Variants in CDH8 observed in about 807,000 individuals in gnomAD.
CDH8 encodes the protein cadherin 8.
In CDH8, 17 loss-of-function variants were observed where a neutral mutation model predicts 68.1. That is an observed-to-expected ratio of 0.25 (90% CI 0.17 to 0.37). The LOEUF (loss-of-function observed/expected upper bound fraction) is 0.37, where lower values mean the gene tolerates loss of function less well. Ranked by LOEUF, CDH8 falls within the 10% of genes least tolerant of loss-of-function variation. The pLI is 1.00. For synonymous variants in CDH8, 372 were observed against 365.1 expected (o/e 1.02, Z -0.21); for missense variants, 763 against 999.3 (o/e 0.76, Z 3.19).
At chr16:61,995,078 G>C (rs980826090) in intron 2 of CDH8, among the ~76,000 whole-genome samples, 2 of 152,190 alleles carry the variant, frequency 1.3e-5, no homozygotes, top group African/African-American at 4.8e-5. Context: ...TAGCTGTCTT[G>C]TTCCTAGCCA....
At chr16:61,944,363 G>A (rs890381008) in intron 2 of CDH8, among the ~76,000 whole-genome samples, 6 of 152,114 alleles carry the variant, frequency 3.9e-5, no homozygotes, top group Non-Finnish European at 7.4e-5. Flanking sequence ...ATTCAGATAC[G>A]TTTAACAGAA....
chr16:61,740,377 A>AT (rs1157010059), intron 8 of CDH8, among the ~76,000 whole-genome samples: 9 of 151,758 alleles, frequency 5.9e-5, no homozygotes, highest in Non-Finnish European at 1.0e-4. Flanking sequence ...TGACTTCCTT[A>AT]TTTTTTTTAT....
At chr16:61,772,279 A>G (rs982309930) in intron 8 of CDH8, among the ~76,000 whole-genome samples, 3 of 152,010 alleles carry the variant, frequency 2.0e-5, no homozygotes, top group African/African-American at 7.2e-5. Context: ...GGCTGTGGAA[A>G]GGTTGGGCCA....
At chr16:61,864,292 C>CGGTT (rs59862418) in intron 3 of CDH8, among the ~76,000 whole-genome samples, 7,906 of 146,038 alleles carry the variant, frequency 0.054, 247 homozygotes, top group Non-Finnish European at 0.07. Flanking sequence ...GCTGGATGTC[C>CGGTT]GGTTGGTTGG....
At position 61,751,382 on chromosome 16, in the gene CDH8, T is replaced by TAAAAAAAA. The variant is rs71134375; in HGVS notation, c.1415-24175_1415-24168dup. ...CACAAATGTCCTTCCATATTCTCCT[T>TAAAAAAAA]AAAAAAAAAAAAAAAAAAAAAAAAA... On this transcript the variant is annotated intron_variant, in intron 8 of 11. Coordinates refer to ENST00000577390, the MANE Select transcript of CDH8 (RefSeq NM_001796.5). Among the ~76,000 whole-genome samples the TAAAAAAAA allele has an allele frequency of 1.7e-4, 9 of 54,146 alleles. 1 individual carries two copies. The highest frequency in any genetic ancestry group is 2.2e-4 in the Non-Finnish European group (7 of 32,146). 35.5% of individuals were successfully genotyped at this position (54,146 alleles called of 152,430 possible).
chr16:61,945,505 GT>G (rs1964788011), intron 2 of CDH8, among the ~76,000 whole-genome samples: 2 of 151,376 alleles, frequency 1.3e-5, no homozygotes, highest in Admixed American at 1.3e-4. Flanking sequence ...ACCCTCAAAG[GT>G]TACCTGAACT....
At chr16:61,925,684 A>T (rs2143434779) in intron 2 of CDH8, among the ~76,000 whole-genome samples, 1 of 152,332 alleles carries the variant, frequency 6.6e-6, no homozygotes, top group Non-Finnish European at 1.5e-5. Flanking sequence ...AGGGGAGTTT[A>T]AAGTAGGGTC....
intron 2 of CDH8, among the ~76,000 whole-genome samples, chr16:61,971,963 G>A (rs1235721045): frequency 1.3e-5 from 2 of 152,114 alleles, no homozygotes; most frequent in East Asian, 1.9e-4. Context: ...GTGTATCAAC[G>A]TAAGAAAAAA....
intron 2 of CDH8, among the ~76,000 whole-genome samples, chr16:61,978,694 C>T (rs1038133281): frequency 2.6e-5 from 4 of 152,112 alleles, no homozygotes; most frequent in African/African-American, 4.8e-5. Flanking sequence ...TGGGCAAGCT[C>T]GTGTATGTTG....
At chr16:61,661,118 T>G in intron 10 of CDH8, among the ~76,000 whole-genome samples, 1 of 152,054 alleles carries the variant, frequency 6.6e-6, no homozygotes, top group Non-Finnish European at 1.5e-5. Flanking sequence ...ATAAAATATC[T>G]ATTTTTTGAG....
intron 2 of CDH8, among the ~76,000 whole-genome samples, chr16:61,909,954 G>A (rs957166755): frequency 1.2e-4 from 18 of 152,214 alleles, no homozygotes; most frequent in Non-Finnish European, 2.4e-4. Context: ...GGTCTGGACC[G>A]CAGTTTTACG....
chr16:61,926,109 A>G (rs1964452045), intron 2 of CDH8, among the ~76,000 whole-genome samples: 2 of 151,832 alleles, frequency 1.3e-5, no homozygotes, highest in Admixed American at 1.3e-4. Context: ...ACACAAACTA[A>G]TAAGAAGCAG....
At chr16:61,778,472 C>T (rs1157600610) in intron 8 of CDH8, among the ~76,000 whole-genome samples, 1 of 151,974 alleles carries the variant, frequency 6.6e-6, no homozygotes, top group Non-Finnish European at 1.5e-5. Context: ...AACACACAGG[C>T]CATAATTACC....
intron 4 of CDH8, among the ~76,000 whole-genome samples, chr16:61,840,584 G>A (rs1239044396): frequency 1.3e-5 from 2 of 152,038 alleles, no homozygotes; most frequent in Non-Finnish European, 2.9e-5. Flanking sequence ...GTAATAAATT[G>A]CTATGGCTAA....
At chr16:61,924,205 G>T (rs192064912) in intron 2 of CDH8, among the ~76,000 whole-genome samples, 49 of 152,222 alleles carry the variant, frequency 3.2e-4, no homozygotes, top group African/African-American at 1.2e-3. Context: ...TTAATAAGTG[G>T]TTCGAAATGT....
intron 2 of CDH8, among the ~76,000 whole-genome samples, chr16:62,011,691 C>G (rs1901817848): frequency 6.6e-6 from 1 of 152,082 alleles, no homozygotes; most frequent in Non-Finnish European, 1.5e-5. Context: ...GATTCTGATT[C>G]AATAAGTCCA....
intron 10 of CDH8, among the ~76,000 whole-genome samples, chr16:61,686,940 A>AT (rs1964121475): frequency 6.6e-6 from 1 of 151,882 alleles, no homozygotes; most frequent in Non-Finnish European, 1.5e-5. Flanking sequence ...GCAACTAGAT[A>AT]TTTTTTAAGA....
At chr16:61,901,754 C>T (rs537428775) in intron 2 of CDH8, among the ~76,000 whole-genome samples, 1 of 152,152 alleles carries the variant, frequency 6.6e-6, no homozygotes, top group African/African-American at 2.4e-5. Context: ...GAGAAAAATA[C>T]AAAAATATAT....
At chr16:61,767,758 C>A (rs1039502492) in intron 8 of CDH8, among the ~76,000 whole-genome samples, 3 of 151,860 alleles carry the variant, frequency 2.0e-5, no homozygotes, top group African/African-American at 7.2e-5. Flanking sequence ...CATGCATTAG[C>A]CAAGTTCTAA....
Sources: allele counts gnomAD v4.1 joint callset (sites outside exome capture counted in the v4.1 genomes callset), GRCh38; gene constraint gnomAD v4.1.1; transcripts MANE v1.5; gene names NCBI Gene and HGNC (gene_info 2026-07-23, HGNC 2026-07-21).